Variants in TOX3 observed in about 807,000 individuals in gnomAD.
TOX3 encodes CAG trinucleotide repeat-containing gene F9 protein.
A neutral mutation model predicts 64.3 loss-of-function variants in TOX3; 22 were observed. The ratio of observed to expected loss-of-function variants is 0.34; its 90% CI spans 0.24 to 0.49. The LOEUF is 0.49. TOX3 is among the 20% of genes least tolerant of loss of function. The probability of loss-of-function intolerance (pLI) is 0.99; values close to 1 mark genes in which losing one functional copy is unlikely to be tolerated. For missense variants in TOX3, 661 were observed against 714.4 expected, an observed-to-expected ratio of 0.93 and a Z score of 0.85; for synonymous variants, 291 against 273.6, an observed-to-expected ratio of 1.06 and a Z score of -0.63.
At chr16:52,491,858 C>T (rs369859976) in intron 1 of TOX3, among the ~76,000 whole-genome samples, 20 of 152,198 alleles carry the variant, frequency 1.3e-4, no homozygotes, top group South Asian at 1.2e-3. Context: ...GAAGATGACA[C>T]GCCAGTATGT....
intron 6 of TOX3, among the ~76,000 whole-genome samples, chr16:52,441,253 G>A (rs1959975521): frequency 6.6e-6 from 1 of 152,146 alleles, no homozygotes; most frequent in African/African-American, 2.4e-5. Context: ...TTTATAACAA[G>A]GTTCACTCAA....
intron 3 of TOX3, among the ~76,000 whole-genome samples, chr16:52,456,942 A>G (rs1960536020): frequency 6.6e-6 from 1 of 152,190 alleles, no homozygotes; most frequent in African/African-American, 2.4e-5. Flanking sequence ...GGACTTAATC[A>G]AGATTAAAAG....
intron 1 of TOX3, among the ~76,000 whole-genome samples, chr16:52,477,702 G>A (rs1961250209): frequency 6.6e-6 from 1 of 152,184 alleles, no homozygotes; most frequent in Non-Finnish European, 1.5e-5. Context: ...AGGGGTCATT[G>A]TGTACAAGCT....
chr16:52,500,019 T>G (rs73588804), intron 1 of TOX3, among the ~76,000 whole-genome samples: 6 of 152,112 alleles, frequency 3.9e-5, no homozygotes, highest in Non-Finnish European at 7.4e-5. Flanking sequence ...TAACAAGAGA[T>G]ATGTTTATGT....
intron 1 of TOX3, among the ~76,000 whole-genome samples, chr16:52,527,566 G>C (rs982252747): frequency 6.6e-6 from 1 of 152,166 alleles, no homozygotes; most frequent in African/African-American, 2.4e-5. Context: ...CAGAAAGAGG[G>C]AGATGGAAAA....
chr16:52,519,361 C>T (rs767958345), intron 1 of TOX3: 7 of 1,522,996 alleles, frequency 4.6e-6, no homozygotes, highest in Non-Finnish European at 6.2e-6. Flanking sequence ...ATCTGGTTAG[C>T]CTGTCCAGAT....
At chr16:52,504,899 A>T (rs1285572590) in intron 1 of TOX3, among the ~76,000 whole-genome samples, 1 of 151,994 alleles carries the variant, frequency 6.6e-6, no homozygotes, top group Non-Finnish European at 1.5e-5. Flanking sequence ...CAGTGGCATG[A>T]TCTTGGCTCA....
chr16:52,444,027 T>C (rs1310202009), intron 6 of TOX3, among the ~76,000 whole-genome samples: 1 of 152,204 alleles, frequency 6.6e-6, no homozygotes, highest in African/African-American at 2.4e-5. Context: ...AATTTATGTA[T>C]ATAGCTACAT....
At chr16:52,474,070 T>C (rs1464681811) in intron 1 of TOX3, among the ~76,000 whole-genome samples, 2 of 152,140 alleles carry the variant, frequency 1.3e-5, no homozygotes, top group African/African-American at 4.8e-5. Context: ...GTAAACATCT[T>C]AGACCTATGT....
intron 1 of TOX3, among the ~76,000 whole-genome samples, chr16:52,508,941 T>A (rs1962230977): frequency 6.6e-6 from 1 of 152,138 alleles, no homozygotes; most frequent in Non-Finnish European, 1.5e-5. Flanking sequence ...ATACTGCCAA[T>A]CAAAAGATGA....
rs1382718921 is a variant in TOX3 at position 52,439,868 on chromosome 16, G to C, written c.1088C>G (p.Ser363Cys). ...TGATGCTGACACTGTTCCATGTTGA[G>C]ACAGTGGAGTGTTGAGAAGGAGAGA... ...TSSLLLNTPL[S>C]QHGTVSASPQ... Residue 363 changes from serine (S) to cysteine (C), a missense_variant, in exon 7 of 7, where the codon TCT becomes TGT. Around this residue, in one of 3 missense-constraint regions of TOX3, gnomAD observed 299 missense variants for 292.1 expected, o/e 1.02. Coordinates refer to ENST00000219746, the MANE Select transcript of TOX3 (RefSeq NM_001080430.4). 3 of 1,613,728 alleles carry C rather than the reference G, an allele frequency of 1.9e-6. No individual in the cohort carries two copies. The highest frequency in any genetic ancestry group is 1.7e-6 in the Non-Finnish European group (2 of 1,179,832).
intron 1 of TOX3, among the ~76,000 whole-genome samples, chr16:52,494,337 C>A (rs1272539478): frequency 2.0e-5 from 3 of 152,160 alleles, no homozygotes; most frequent in African/African-American, 7.2e-5. Context: ...CCCGTTCCAC[C>A]CCAACTGGGT....
intron 3 of TOX3, among the ~76,000 whole-genome samples, chr16:52,458,567 A>G (rs9935437): frequency 0.17 from 25,213 of 152,202 alleles, 2,783 homozygotes; most frequent in East Asian, 0.58. Flanking sequence ...AATAAACCAC[A>G]GCCAGCCTTC....
At position 52,446,547 on chromosome 16, in the gene TOX3, C is replaced by T. The variant is rs1288926554; in HGVS notation, c.679-326G>A. Reference sequence around the variant, plus strand: ...GCTATACTACACATACATACATCAGCAAAATATTTTATATCTTCAGAGGTT... The same window carrying T: ...GCTATACTACACATACATACATCAGTAAAATATTTTATATCTTCAGAGGTT... On this transcript the variant is annotated intron_variant, in intron 4 of 6. Coordinates refer to ENST00000219746, the MANE Select transcript of TOX3 (RefSeq NM_001080430.4). Among the ~76,000 whole-genome samples the T allele has an allele frequency of 2.0e-5, 3 of 152,086 alleles. No individual in the cohort carries two copies. In the East Asian group the frequency reaches 5.8e-4, roughly 29 times the overall value.
intron 1 of TOX3, among the ~76,000 whole-genome samples, chr16:52,497,310 T>C (rs1961875047): frequency 6.6e-6 from 1 of 152,218 alleles, no homozygotes; most frequent in African/African-American, 2.4e-5. Flanking sequence ...AAGAAACACA[T>C]TGCCAAGGAG....
At chr16:52,491,770 C>T (rs780248723) in intron 1 of TOX3, among the ~76,000 whole-genome samples, 10 of 152,174 alleles carry the variant, frequency 6.6e-5, no homozygotes. Flanking sequence ...CCCCTGAGGT[C>T]ATTCACAGTG....
Position 52,464,103 on chromosome 16 carries a change from C to G in TOX3, c.239G>C (p.Gly80Ala). 3 of 1,599,464 alleles carry G rather than the reference C, an allele frequency of 1.9e-6. No homozygotes were observed. Among genetic ancestry groups the G allele is most frequent in the Non-Finnish European group, 2.6e-6 (3 of 1,173,048 alleles). ...TPPPESDPAL[G>A]MPDVLLPFQA... Reference sequence around the variant, plus strand: ...AAAGGGTAGCAGTACATCCGGCATGCCTAGGGCAGGGTCTGACTCTGGAGG... The same window carrying G: ...AAAGGGTAGCAGTACATCCGGCATGGCTAGGGCAGGGTCTGACTCTGGAGG... Residue 80 changes from glycine (G) to alanine (A), a missense_variant, in exon 3 of 7, where the codon GGC (glycine) becomes GCC (alanine). Gly to Ala is a moderately conservative substitution (Grantham distance 60). Around this residue, in one of 3 missense-constraint regions of TOX3, gnomAD observed 259 missense variants for 261.2 expected, o/e 0.99. Coordinates refer to ENST00000219746, the MANE Select transcript of TOX3 (RefSeq NM_001080430.4).
chr16:52,450,622 C>T (rs1567312990), intron 3 of TOX3, 76 bp from the exon 4 acceptor site: 1 of 1,575,582 alleles, frequency 6.3e-7, no homozygotes, highest in Non-Finnish European at 8.6e-7. Flanking sequence ...TTAGCATCTC[C>T]TTAGATAGGT....
intron 2 of TOX3, among the ~76,000 whole-genome samples, chr16:52,467,521 A>G (rs1223451678): frequency 6.6e-6 from 1 of 152,100 alleles, no homozygotes; most frequent in Non-Finnish European, 1.5e-5. Context: ...TTATGAAGCC[A>G]TTATTATTTT....
Sources: allele counts gnomAD v4.1 joint callset (sites outside exome capture counted in the v4.1 genomes callset), GRCh38; gene constraint gnomAD v4.1.1; regional missense constraint gnomAD v4.1.1; transcripts MANE v1.5; gene names NCBI Gene and HGNC (gene_info 2026-07-23, HGNC 2026-07-21).